OAS3: variants seen among roughly 807,000 people sequenced by gnomAD.
The protein encoded by OAS3 is 2'-5'-oligoadenylate synthase 3.
OAS3 carries 107 observed loss-of-function variants against 113.0 expected under a neutral mutation model. The ratio of observed to expected loss-of-function variants is 0.95; its 90% CI spans 0.81 to 1.11. The LOEUF is 1.11. Ranked by LOEUF, OAS3 falls within the 50% of genes most tolerant of loss-of-function variation. OAS3 has a pLI of 0.00. For missense variants in OAS3, 1,258 were observed against 1,389.1 expected (o/e 0.91, Z 1.50); for synonymous variants, 552 against 573.6 (o/e 0.96, Z 0.54).
Position 112,963,470 on chromosome 12 carries a change from G to A in OAS3, c.2229+13G>A, listed in dbSNP as rs1304451214. 3.3e-6 allele frequency: 5 copies of A among 1,519,078 alleles called. No homozygotes were observed. The South Asian group carries it at 5.0e-5, about 15-fold the overall frequency. 94.1% of individuals were successfully genotyped at this position (1,519,078 alleles called of 1,614,324 possible). A position where few individuals can be genotyped will look rare whatever the true frequency, so the allele number is the denominator to read the frequency against. The stretch of plus-strand genomic sequence containing the variant: ...CTGGGATGTGATGGTAAGATGGAGG[G>A]TCCTGGGGGGCAGGGGGCCCTGCAC... On this transcript the variant is annotated intron_variant, in intron 10 of 15. Transcript: ENST00000228928. The surrounding 1 kb of genome is among the most constrained non-coding windows in gnomAD (Gnocchi z 4.6).
At position 112,938,689 on chromosome 12, in the gene OAS3, G is replaced by A; in HGVS notation, c.159G>A (p.Arg53=). The A allele has an allele frequency of 6.4e-7, 1 of 1,569,982 alleles. No homozygotes were observed. Among genetic ancestry groups the A allele is most frequent in the Non-Finnish European group, 8.6e-7 (1 of 1,159,924 alleles). ...GCCGCCTCGGTGCTGCTGCCCCGCG[G>A]GTGCTGAAAACTGTCAAGGTGAGGT... ...RGGRLGAAAP[R]VLKTVKGGSS... The change falls in exon 1 of 16, where the codon CGG becomes CGA. Residue 53 remains arginine, a synonymous_variant. Transcript: ENST00000228928.
intron 5 of OAS3, 142 bp from the exon 6 acceptor site, chr12:112,948,719 G>A (rs935621861): frequency 5.1e-5 from 34 of 663,216 alleles, no homozygotes; most frequent in South Asian, 3.3e-4. Flanking sequence ...GGCCATGTGC[G>A]TTAGCCATGG....
intron 3 of OAS3, among the ~76,000 whole-genome samples, chr12:112,945,885 A>T (rs1209410488): frequency 3.3e-5 from 5 of 152,172 alleles, no homozygotes; most frequent in African/African-American, 1.2e-4. Flanking sequence ...CTCTCCACGC[A>T]GGAGGCTGAG....
At chr12:112,948,423 A>G (rs1282890682) in intron 5 of OAS3, among the ~76,000 whole-genome samples, 1 of 150,646 alleles carries the variant, frequency 6.6e-6, no homozygotes, top group Non-Finnish European at 1.5e-5. Context: ...GAATTGCTTG[A>G]ACTAGGGAGG....
chr12:112,965,617 A>T, intron 11 of OAS3, 127 bp from the exon 12 acceptor site: 2 of 799,046 alleles, frequency 2.5e-6, no homozygotes, highest in Non-Finnish European at 3.9e-6. Flanking sequence ...TTACCATATT[A>T]AAGATCTAAC....
In OAS3 at chr12:112,961,246, G is replaced by A. The variant is rs550667697; in HGVS notation, c.1833G>A (p.Gln611=). 6 of 1,613,198 alleles carry A rather than the reference G, an allele frequency of 3.7e-6. No individual in the cohort carries two copies. Among genetic ancestry groups the A allele is most frequent in the Non-Finnish European group, 5.1e-6 (6 of 1,179,378 alleles). The stretch of plus-strand genomic sequence containing the variant: ...TGCTGGTGAAGCACTGGTACCGCCA[G>A]GTGAGTTGCCCCTGGCTCCTCCCAG... ...LILLVKHWYR[Q]VAAQNKGKGP... Residue 611 remains glutamine (Q), a splice_region_variant and synonymous_variant, in exon 8 of 16, where the codon CAG becomes CAA. Coordinates refer to ENST00000228928, the MANE Select transcript of OAS3 (RefSeq NM_006187.4).
At position 112,966,039 on chromosome 12, in the gene OAS3, C is replaced by T; in HGVS notation, c.2689+10C>T. On this transcript the variant is annotated intron_variant, in intron 12 of 15. Transcript: ENST00000228928. ...GCCTTTGACGCCCTAGGTGAGGTGC[C>T]CTGGCGTAGACCTGAGAGGGGGAAA... 2 of 1,613,526 alleles carry T rather than the reference C, an allele frequency of 1.2e-6. No individual in the cohort carries two copies. The highest frequency in any genetic ancestry group is 1.7e-6 in the Non-Finnish European group (2 of 1,179,514).
chr12:112,941,050 C>T (rs772267792), intron 1 of OAS3, among the ~76,000 whole-genome samples: 23 of 152,014 alleles, frequency 1.5e-4, no homozygotes, highest in Non-Finnish European at 2.6e-4. Context: ...TAGCCCAGCA[C>T]GGTGGTGCAT....
In OAS3 at chr12:112,958,890, A is replaced by C. The variant is rs140303054; in HGVS notation, c.1658-2181A>C. ...TCAAAGCTGTCAGACAGGGACGTTTAAGTCTGCAGAAGTTTCTGCTGCCTT... is the reference window on the plus strand; with the variant it reads ...TCAAAGCTGTCAGACAGGGACGTTTCAGTCTGCAGAAGTTTCTGCTGCCTT... On this transcript the variant is annotated intron_variant, in intron 7 of 15. Coordinates refer to ENST00000228928, the MANE Select transcript of OAS3 (RefSeq NM_006187.4). 9.3e-3 allele frequency among the ~76,000 whole-genome samples: 1,410 copies of C among 152,340 alleles called. 20 individuals carry two copies. The highest frequency in any genetic ancestry group is 0.031 in the African/African-American group (1,308 of 41,568).
At chr12:112,943,226 C>T (rs1468620937) in intron 2 of OAS3, among the ~76,000 whole-genome samples, 1 of 152,168 alleles carries the variant, frequency 6.6e-6, no homozygotes, top group African/African-American at 2.4e-5. Context: ...CAAGCCACCC[C>T]ACCCAGCCTG....
rs1395248951 is a variant in OAS3 at position 112,964,272 on chromosome 12, A to C, written c.2267A>C (p.Asp756Ala). 1 of 1,602,336 alleles carries C rather than the reference A, an allele frequency of 6.2e-7. No individual in the cohort carries two copies. Among genetic ancestry groups the C allele is most frequent in the Non-Finnish European group, 8.5e-7 (1 of 1,174,154 alleles). ...LLYQTPAGDL[D>A]KFISEFLQPN... ...TACCAAACCCCAGCTGGGGACCTTG[A>C]CAAGTTCATCAGTGAATTTCTCCAG... The change falls in exon 11 of 16, where the codon GAC (aspartate) becomes GCC (alanine). Residue 756 changes from aspartate (D) to alanine (A), a missense_variant. Physicochemically the swap from Asp to Ala is moderately radical, Grantham distance 126. Coordinates refer to ENST00000228928, the MANE Select transcript of OAS3 (RefSeq NM_006187.4).
intron 9 of OAS3, 47 bp downstream of exon 9, chr12:112,962,949 C>T: frequency 6.2e-7 from 1 of 1,604,356 alleles, no homozygotes; most frequent in South Asian, 1.1e-5. Flanking sequence ...CTCCCCCTCC[C>T]CACTGTCACC....
intron 14 of OAS3, 78 bp from the exon 15 acceptor site, chr12:112,969,530 G>A (rs1349870765): frequency 2.9e-5 from 45 of 1,525,822 alleles, no homozygotes; most frequent in Admixed American, 3.9e-5. Flanking sequence ...GATAAAAGGG[G>A]AAAATAGTCC....
Position 112,948,986 on chromosome 12 carries a change from A to C in OAS3, c.1155A>C (p.Ser385=). ...VYPRAGSKPP[S]CPAPGPTGAA... ...CAAGAGCAGGGAGCAAACCTCCCTC[A>C]TGCCCAGCTCCTGGCCCCACTGGGG... The change falls in exon 6 of 16, where the codon TCA becomes TCC. Residue 385 remains serine, a synonymous_variant. Transcript: ENST00000228928. 6.2e-7 allele frequency: 1 copy of C among 1,613,984 alleles called. No individual in the cohort carries two copies. The highest frequency in any genetic ancestry group is 8.5e-7 in the Non-Finnish European group (1 of 1,179,886).
intron 3 of OAS3, among the ~76,000 whole-genome samples, chr12:112,945,577 G>C (rs1389424170): frequency 6.6e-6 from 1 of 152,012 alleles, no homozygotes; most frequent in Non-Finnish European, 1.5e-5. Flanking sequence ...CTGGAGATGG[G>C]GGAACAGGCT....
At chr12:112,949,604 A>G (rs986393267) in intron 6 of OAS3, among the ~76,000 whole-genome samples, 4 of 152,096 alleles carry the variant, frequency 2.6e-5, no homozygotes, top group African/African-American at 9.7e-5. Flanking sequence ...CTCTTCCTAG[A>G]AGAAAATGAG....
intron 2 of OAS3, among the ~76,000 whole-genome samples, chr12:112,943,116 A>T (rs1382064278): frequency 1.3e-5 from 2 of 151,890 alleles, no homozygotes; most frequent in South Asian, 4.2e-4. Context: ...TGTATTTTTT[A>T]TAGAGATAGG....
At position 112,938,872 on chromosome 12, in the gene OAS3, C is replaced by T. The variant is rs998446538; in HGVS notation, c.177+165C>T. Among the ~76,000 whole-genome samples the T allele has an allele frequency of 2.4e-4, 36 of 152,206 alleles. 1 individual carries two copies. Among genetic ancestry groups the T allele is most frequent in the Admixed American group, 1.1e-3 (17 of 15,280 alleles). On this transcript the variant is annotated intron_variant, in intron 1 of 15. Coordinates refer to ENST00000228928, the MANE Select transcript of OAS3 (RefSeq NM_006187.4). ...CCAGCCCCGTGCTAACTCCCCCGAA[C>T]ATACGAGCCAGGTAGGTACTCTTAA...
rs61942232 is a variant in OAS3, at chr12:112,963,021, C to T, written c.2084+119C>T. On this transcript the variant is annotated intron_variant, in intron 9 of 15. Transcript: ENST00000228928. This position sits in a 1 kb window ranked among gnomAD's most constrained non-coding sequence, Gnocchi z 4.6. ...TTTGGGGTGGCAATCCCACTCCTCA[C>T]TCTGCTTCCCTCTGGACTCTTTGCT... 409,647 of 1,407,266 alleles carry T rather than the reference C, an allele frequency of 0.29. 67,129 individuals carry two copies. Among genetic ancestry groups the T allele is most frequent in the East Asian group, 0.72 (31,459 of 43,546 alleles). 87.2% of individuals were successfully genotyped at this position (1,407,266 alleles called of 1,614,324 possible).
Sources: gnomAD v4.1 joint callset for allele counts (sites outside exome capture counted in the v4.1 genomes callset) on GRCh38, gnomAD v4.1.1 for gene constraint, Gnocchi (gnomAD v3.1) non-coding constraint, MANE v1.5 for transcripts, NCBI Gene and HGNC (gene_info 2026-07-23, HGNC 2026-07-21) for gene names.